MS4A13: variants seen among roughly 807,000 people sequenced by gnomAD.
The protein encoded by MS4A13 is membrane-spanning 4-domains subfamily A member 13.
MS4A13 carries 21 observed loss-of-function variants against 18.4 expected under a neutral mutation model. The observed-to-expected ratio is 1.14, with a 90% CI of 0.81 to 1.64. The LOEUF (loss-of-function observed/expected upper bound fraction) is 1.64. Among genes scored for constraint, MS4A13 ranks in the 40% most tolerant of loss-of-function variants. The pLI, the probability that MS4A13 is intolerant of heterozygous loss-of-function variation, is 0.00. For missense variants in MS4A13, 173 were observed against 176.8 expected, an observed-to-expected ratio of 0.98 and a Z score of 0.12; for synonymous variants, 62 against 57.2, an observed-to-expected ratio of 1.08 and a Z score of -0.38.
Position 60,518,230 on chromosome 11 carries a change from A to G in MS4A13, c.129+18A>G, listed in dbSNP as rs1353600551. ...GAATTTTTGTGAGTAGAATACATAT[A>G]TATTGCTTTAATCATACAATAAATA... On this transcript the variant is annotated intron_variant, in intron 3 of 6. Coordinates refer to ENST00000378186, the MANE Select transcript of MS4A13 (RefSeq NM_001012417.3). The G allele has an allele frequency of 2.5e-6, 4 of 1,579,218 alleles. No homozygotes were observed. Among genetic ancestry groups the G allele is most frequent in the Non-Finnish European group, 3.4e-6 (4 of 1,159,714 alleles).
chr11:60,521,317 C>T lies in MS4A13; in HGVS notation c.130-2580C>T, dbSNP rs542664037. Reference sequence around the variant, plus strand: ...ATTTCTGCAGCTGGCTTAAATTTCTCCTCAGAAAATGGGTTTTTCTTTTCT... The same window carrying T: ...ATTTCTGCAGCTGGCTTAAATTTCTTCTCAGAAAATGGGTTTTTCTTTTCT... On this transcript the variant is annotated intron_variant, in intron 3 of 6. Transcript: ENST00000378186. 2.0e-5 allele frequency among the ~76,000 whole-genome samples: 3 copies of T among 152,316 alleles called. No homozygotes were observed. In the South Asian group the frequency reaches 6.2e-4, roughly 32 times the overall value.
At chr11:60,527,564 G>A (rs1244898273) in intron 5 of MS4A13, among the ~76,000 whole-genome samples, 1 of 151,928 alleles carries the variant, frequency 6.6e-6, no homozygotes, top group East Asian at 1.9e-4. Context: ...GGCCAGGCAC[G>A]GTGGCTCACG....
chr11:60,529,243 T>G (rs573716628), intron 5 of MS4A13, 122 bp from the exon 6 acceptor site: 13 of 495,878 alleles, frequency 2.6e-5, no homozygotes, highest in African/African-American at 1.7e-4. Flanking sequence ...TTATCTGTTC[T>G]TATTTTCCTT....
intron 6 of MS4A13, among the ~76,000 whole-genome samples, chr11:60,536,485 T>G (rs1331496892): frequency 2.6e-4 from 10 of 38,876 alleles, no homozygotes; most frequent in Non-Finnish European, 3.2e-4. Context: ...GAAGGACCTC[T>G]TCAAGGAGAA....
chr11:60,524,484 A>T (rs973969316), intron 4 of MS4A13, among the ~76,000 whole-genome samples: 2 of 152,148 alleles, frequency 1.3e-5, no homozygotes, highest in Non-Finnish European at 2.9e-5. Context: ...ATGTCTGAAG[A>T]TACTGATAGA....
At chr11:60,538,541 G>T (rs2086829339) in intron 6 of MS4A13, among the ~76,000 whole-genome samples, 1 of 150,976 alleles carries the variant, frequency 6.6e-6, no homozygotes, top group Non-Finnish European at 1.5e-5. Flanking sequence ...AAATATATCT[G>T]CAATGATTAT....
intron 6 of MS4A13, among the ~76,000 whole-genome samples, chr11:60,532,330 C>T (rs561955427): frequency 3.2e-4 from 48 of 152,272 alleles, no homozygotes; most frequent in African/African-American, 1.1e-3. Flanking sequence ...GTGCGCGAGC[C>T]GAAGCAGGGC....
intron 6 of MS4A13, among the ~76,000 whole-genome samples, chr11:60,538,177 T>TTAAAAAAAAA (rs60140970): frequency 8.0e-5 from 6 of 75,116 alleles, no homozygotes; most frequent in East Asian, 3.5e-4. Flanking sequence ...TAAAGTATAA[T>TTAAAAAAAAA]AAAAAAAAAA....
At chr11:60,527,416 G>C (rs1377856808) in intron 5 of MS4A13, among the ~76,000 whole-genome samples, 5 of 145,332 alleles carry the variant, frequency 3.4e-5, no homozygotes, top group African/African-American at 1.3e-4. Context: ...CTCTCTGTGT[G>C]TGTGTGTGTG....
At chr11:60,518,265 C>A in intron 3 of MS4A13, 53 bp downstream of exon 3, 4 of 1,433,072 alleles carry the variant, frequency 2.8e-6, no homozygotes, top group South Asian at 2.9e-5. Context: ...AATATTCATG[C>A]CAATAGTAGA....
At chr11:60,524,398 G>A (rs2086698456) in intron 4 of MS4A13, among the ~76,000 whole-genome samples, 1 of 152,072 alleles carries the variant, frequency 6.6e-6, no homozygotes, top group Non-Finnish European at 1.5e-5. Context: ...GAATTGGGAA[G>A]AACACTTTAG....
Position 60,542,616 on chromosome 11 carries a change from G to T in MS4A13, c.*41G>T. 1 of 1,314,872 alleles carries T rather than the reference G, an allele frequency of 7.6e-7. No homozygotes were observed. The highest frequency in any genetic ancestry group is 1.1e-6 in the Non-Finnish European group (1 of 917,664). 81.5% of individuals were successfully genotyped at this position (1,314,872 alleles called of 1,614,324 possible). The stretch of plus-strand genomic sequence containing the variant: ...GAGAATTTTGCTGTTGCTGATGCCT[G>T]GTGTGGGTCCTAATGATATCTCTGT... On this transcript the variant is annotated 3_prime_UTR_variant, in exon 7 of 7. Transcript: ENST00000378186.
At chr11:60,518,382 GA>G (rs2086652176) in intron 3 of MS4A13, among the ~76,000 whole-genome samples, 170 bp downstream of exon 3, 1 of 152,024 alleles carries the variant, frequency 6.6e-6, no homozygotes, top group South Asian at 2.1e-4. Context: ...AATATATATT[GA>G]GCACCTTTAA....
At chr11:60,532,717 C>T (rs1329122792) in intron 6 of MS4A13, among the ~76,000 whole-genome samples, 1 of 145,754 alleles carries the variant, frequency 6.9e-6, no homozygotes, top group Non-Finnish European at 1.5e-5. Context: ...CCTCTGGGGG[C>T]AGGGCACAGA....
intron 6 of MS4A13, among the ~76,000 whole-genome samples, chr11:60,538,152 A>G (rs1363907731): frequency 6.8e-6 from 1 of 146,646 alleles, no homozygotes; most frequent in East Asian, 2.1e-4. Flanking sequence ...CAATGTGCAC[A>G]TGTACCCTAA....
chr11:60,538,056 T>C lies in MS4A13; in HGVS notation c.403-4463T>C, dbSNP rs1171831198. ...GTCGGGGGAGGGGGGAGGGATGGCA[T>C]TGGGAGATATACCTAATGCTGGATG... On this transcript the variant is annotated intron_variant, in intron 6 of 6. Coordinates refer to ENST00000378186, the MANE Select transcript of MS4A13 (RefSeq NM_001012417.3). Among the ~76,000 whole-genome samples, 10 of 146,272 alleles carry C rather than the reference T, an allele frequency of 6.8e-5. No homozygotes were observed. In the East Asian group the frequency reaches 1.1e-3, roughly 15 times the overall value.
chr11:60,527,404 CTCTCTCTGTGTGTGTGTG>C (rs2086725093), intron 5 of MS4A13, among the ~76,000 whole-genome samples: 4 of 73,522 alleles, frequency 5.4e-5, no homozygotes, highest in Non-Finnish European at 7.5e-5. Context: ...CTCTCTCTCT[CTCTCTCTGTGTGTGTGTG>C]TGTGTGTGTG....
At chr11:60,538,286 G>C (rs994243306) in intron 6 of MS4A13, among the ~76,000 whole-genome samples, 1 of 151,616 alleles carries the variant, frequency 6.6e-6, no homozygotes, top group Admixed American at 6.6e-5. Context: ...GAGGCAAAAA[G>C]GTGTTGATCA....
chr11:60,539,706 A>G (rs998214090), intron 6 of MS4A13, among the ~76,000 whole-genome samples: 2 of 152,060 alleles, frequency 1.3e-5, no homozygotes, highest in African/African-American at 4.8e-5. Context: ...AGCAGCAAAA[A>G]AAAATAAAAA....
Sources: allele counts gnomAD v4.1 joint callset (sites outside exome capture counted in the v4.1 genomes callset), GRCh38; gene constraint gnomAD v4.1.1; transcripts MANE v1.5; gene names NCBI Gene and HGNC (gene_info 2026-07-23, HGNC 2026-07-21).